Variants in NXPH4 observed in about 807,000 individuals in gnomAD.
NXPH4 encodes neurexophilin-4.
Under a neutral mutation model 21.3 loss-of-function variants are expected in NXPH4, and 8 were observed. The observed-to-expected ratio is 0.38, with a 90% CI of 0.22 to 0.68. The LOEUF (loss-of-function observed/expected upper bound fraction) is 0.68. NXPH4 is among the 30% of genes least tolerant of loss of function. The pLI is 0.53. For missense variants in NXPH4, 418 were observed against 416.8 expected (o/e 1.00, Z -0.03); for synonymous variants, 219 against 192.6 (o/e 1.14, Z -1.13).
chr12:57,219,598 C>T (rs2037070932), intron 1 of NXPH4, among the ~76,000 whole-genome samples: 1 of 152,206 alleles, frequency 6.6e-6, no homozygotes, highest in African/African-American at 2.4e-5. Context: ...CCCCCTCCTG[C>T]CTCCACACCC....
At chr12:57,219,371 C>T (rs1442500835) in intron 1 of NXPH4, among the ~76,000 whole-genome samples, 3 of 152,194 alleles carry the variant, frequency 2.0e-5, no homozygotes, top group Non-Finnish European at 2.9e-5. Flanking sequence ...TGACTCCTTT[C>T]CCTCTCTCTC....
chr12:57,220,808 TC>T (rs770472518), intron 1 of NXPH4, among the ~76,000 whole-genome samples: 1 of 152,098 alleles, frequency 6.6e-6, no homozygotes, highest in African/African-American at 2.4e-5. Flanking sequence ...GAGTCTTCCA[TC>T]CCCATCTCCT....
chr12:57,223,722 CCT>C (rs1475175712), intron 1 of NXPH4, among the ~76,000 whole-genome samples: 1 of 152,240 alleles, frequency 6.6e-6, no homozygotes, highest in African/African-American at 2.4e-5. Context: ...CATATTTCTT[CCT>C]CTTGCTTCCT....
chr12:57,225,729 G>A lies in NXPH4; in HGVS notation c.909G>A (p.Glu303=), dbSNP rs1264928778. 1 of 1,612,470 alleles carries A rather than the reference G, an allele frequency of 6.2e-7. No homozygotes were observed. Among genetic ancestry groups the A allele is most frequent in the Admixed American group, 1.7e-5 (1 of 60,000 alleles). ...KVCPDYNFQS[E]HPYFG ...GCCCAGACTATAACTTCCAGAGTGA[G>A]CACCCCTACTTCGGATAGCGCCCCT... The change falls in exon 2 of 2, where the codon GAG becomes GAA. Residue 303 remains glutamate (E), a synonymous_variant. Coordinates refer to ENST00000349394, the MANE Select transcript of NXPH4 (RefSeq NM_007224.4).
intron 1 of NXPH4, among the ~76,000 whole-genome samples, chr12:57,223,590 C>T (rs1308734634): frequency 6.6e-6 from 1 of 152,212 alleles, no homozygotes; most frequent in African/African-American, 2.4e-5. Context: ...ACTGCCTCCC[C>T]CCATGGGACC....
In NXPH4 at chr12:57,225,386, TG is replaced by T; in HGVS notation, c.570del (p.Pro192ArgfsTer184). The T allele has an allele frequency of 1.3e-6, 2 of 1,596,138 alleles. No individual in the cohort carries two copies. ...GCCCTGGAGGGGGTGCTTCCTGGGC[TG>T]GGGCCCCCGCTGGGGATGGCAGCAG... is the stretch of plus-strand genomic sequence containing the variant. The part of the protein sequence containing the change: ...TLALEGVLPG[L>X]GPPLGMAAAA... On this transcript the variant is annotated frameshift_variant, in exon 2 of 2. Coordinates refer to ENST00000349394, the MANE Select transcript of NXPH4 (RefSeq NM_007224.4). LOFTEE classifies it high-confidence loss of function.
intron 1 of NXPH4, among the ~76,000 whole-genome samples, chr12:57,221,856 C>A (rs922406456): frequency 6.6e-6 from 1 of 152,180 alleles, no homozygotes; most frequent in Non-Finnish European, 1.5e-5. Flanking sequence ...TCCCCCACCT[C>A]CCCCCATGTT....
chr12:57,224,220 G>A (rs1243939393), intron 1 of NXPH4, among the ~76,000 whole-genome samples: 1 of 152,014 alleles, frequency 6.6e-6, no homozygotes, highest in African/African-American at 2.4e-5. Flanking sequence ...CCACCTACCA[G>A]GTTCAAGTGA....
At chr12:57,223,314 A>C (rs1342946210) in intron 1 of NXPH4, among the ~76,000 whole-genome samples, 1 of 152,076 alleles carries the variant, frequency 6.6e-6, no homozygotes, top group South Asian at 2.1e-4. Flanking sequence ...CCAGACACGT[A>C]ACCACACCAG....
At chr12:57,217,310 CAG>C (rs1443542939) in intron 1 of NXPH4, among the ~76,000 whole-genome samples, 1 of 152,248 alleles carries the variant, frequency 6.6e-6, no homozygotes, top group Non-Finnish European at 1.5e-5. Context: ...GTGCGCCAGA[CAG>C]AGCGGGAGTG....
chr12:57,220,003 A>T (rs1365161823), intron 1 of NXPH4: 2 of 152,498 alleles, frequency 1.3e-5, no homozygotes, highest in Non-Finnish European at 2.9e-5. Flanking sequence ...CACAGGGGTC[A>T]GAGATGGAGT....
chr12:57,220,434 G>T (rs570215697), intron 1 of NXPH4, among the ~76,000 whole-genome samples: 2,005 of 152,286 alleles, frequency 0.013, 32 homozygotes, highest in Middle Eastern at 0.058. Flanking sequence ...CGCGGGGACC[G>T]CGCTGGCTCC....
Position 57,225,390 on chromosome 12 carries a change from G to C in NXPH4, c.570G>C (p.Gly190=). Residue 190 remains glycine, a synonymous_variant, in exon 2 of 2, where the codon GGG becomes GGC. Transcript: ENST00000349394. ...LALEGVLPGL[G]PPLGMAAAAA... is the part of the protein sequence containing the mutation. ...TGGAGGGGGTGCTTCCTGGGCTGGG[G>C]CCCCCGCTGGGGATGGCAGCAGCAG... The C allele has an allele frequency of 6.3e-7, 1 of 1,596,732 alleles. No homozygotes were observed. The highest frequency in any genetic ancestry group is 8.5e-7 in the Non-Finnish European group (1 of 1,175,186).
intron 1 of NXPH4, chr12:57,221,548 C>A: frequency 2.9e-6 from 1 of 343,922 alleles, no homozygotes; most frequent in South Asian, 2.1e-5. Flanking sequence ...CCTGCAGGTG[C>A]GTGGGCCCGC....
rs774346307 is a variant in NXPH4, at chr12:57,225,055, C to G, written c.235C>G (p.Arg79Gly). The change falls in exon 2 of 2, where the codon CGG becomes GGG. Residue 79 changes from arginine to glycine, a missense_variant. Transcript: ENST00000349394. ...WPTNHTGALA[R>G]AGAAGALPAQ... ...GACCAACCACACGGGGGCGCTGGCC[C>G]GGGCAGGGGCAGCCGGGGCGTTGCC... is the stretch of plus-strand genomic sequence containing the variant. 3 of 1,475,022 alleles carry G rather than the reference C, an allele frequency of 2.0e-6. No individual in the cohort carries two copies. Among genetic ancestry groups the G allele is most frequent in the Non-Finnish European group, 1.8e-6 (2 of 1,111,050 alleles). 91.4% of individuals were successfully genotyped at this position (1,475,022 alleles called of 1,614,324 possible).
intron 1 of NXPH4, 80 bp downstream of exon 1, chr12:57,217,106 G>C (rs1239515529): frequency 4.8e-6 from 6 of 1,259,204 alleles, no homozygotes; most frequent in Non-Finnish European, 6.7e-6. Context: ...GGGGCTCCGT[G>C]CGCCCGCCCC....
In NXPH4 at chr12:57,225,840, G is replaced by C; in HGVS notation, c.*93G>C. On this transcript the variant is annotated 3_prime_UTR_variant, in exon 2 of 2. Coordinates refer to ENST00000349394, the MANE Select transcript of NXPH4 (RefSeq NM_007224.4). ...AGTGTTCTGCCGCTCCTGTGGCCATGTCGCCCACTCCTTCCACTCTGGGGG... is the reference window on the plus strand; with the variant it reads ...AGTGTTCTGCCGCTCCTGTGGCCATCTCGCCCACTCCTTCCACTCTGGGGG... The C allele has an allele frequency of 6.6e-7, 1 of 1,520,232 alleles. No individual in the cohort carries two copies. The allele number at this position is 1,520,232 out of a possible 1,614,324, so 94.2% of individuals were successfully genotyped here. A position where few individuals can be genotyped will look rare whatever the true frequency, so the allele number is the denominator to read the frequency against.
Position 57,224,964 on chromosome 12 carries a change from G to A in NXPH4, c.144G>A (p.Gln48=). 7.0e-7 allele frequency: 1 copy of A among 1,419,382 alleles called. No homozygotes were observed. Among genetic ancestry groups the A allele is most frequent in the Non-Finnish European group, 9.2e-7 (1 of 1,086,262 alleles). The allele number at this position is 1,419,382 out of a possible 1,614,324, so 87.9% of individuals were successfully genotyped here. Residue 48 remains glutamine, a synonymous_variant, in exon 2 of 2, where the codon CAG becomes CAA. Transcript: ENST00000349394. ...PAAAGAGAPG[Q]QLPEPRSSDG... ...CGGCCGGAGCGGGTGCCCCCGGCCA[G>A]CAGCTCCCAGAGCCAAGGTCTTCGG... is the stretch of plus-strand genomic sequence containing the variant.
At chr12:57,224,440 G>T (rs2037122253) in intron 1 of NXPH4, among the ~76,000 whole-genome samples, 1 of 152,168 alleles carries the variant, frequency 6.6e-6, no homozygotes, top group Non-Finnish European at 1.5e-5. Flanking sequence ...CCTCTTTCTT[G>T]ATGCTGGATG....
Sources: gnomAD v4.1 joint callset for allele counts (sites outside exome capture counted in the v4.1 genomes callset) on GRCh38, gnomAD v4.1.1 for gene constraint, MANE v1.5 for transcripts, NCBI Gene and HGNC (gene_info 2026-07-23, HGNC 2026-07-21) for gene names.